Variants in C12orf54 observed in about 807,000 individuals in gnomAD.
C12orf54 encodes the protein chromosome 12 open reading frame 54.
In C12orf54, 24 loss-of-function variants were observed where a neutral mutation model predicts 26.4. The observed-to-expected ratio is 0.91, with a 90% CI of 0.66 to 1.28. C12orf54 has a LOEUF of 1.28. Among genes scored for constraint, C12orf54 ranks in the 50% most tolerant of loss-of-function variants. The pLI, the probability that C12orf54 is intolerant of heterozygous loss-of-function variation, is 0.00. For missense variants in C12orf54, 154 were observed against 150.9 expected, an observed-to-expected ratio of 1.02 and a Z score of -0.11; for synonymous variants, 54 against 47.0, an observed-to-expected ratio of 1.15 and a Z score of -0.61.
At chr12:48,488,189 C>T (rs1293368305) in intron 4 of C12orf54, 3 of 716,508 alleles carry the variant, frequency 4.2e-6, no homozygotes, top group Non-Finnish European at 5.2e-6. Context: ...TCCATGATTA[C>T]CTTCATTGGC....
At chr12:48,464,920 A>G in the C12orf54 span, among the ~76,000 whole-genome samples, 1 of 152,184 alleles carries the variant, frequency 6.6e-6, no homozygotes, top group Non-Finnish European at 1.5e-5. Flanking sequence ...TTACCTCAAG[A>G]TTTATTAAAG....
intron 8 of C12orf54, among the ~76,000 whole-genome samples, chr12:48,495,790 C>T (rs898314792): frequency 6.6e-6 from 1 of 152,156 alleles, no homozygotes; most frequent in Non-Finnish European, 1.5e-5. Flanking sequence ...TATCCTGTTT[C>T]CCCCACAAAT....
At chr12:48,457,981 G>T in the C12orf54 span, among the ~76,000 whole-genome samples, 52 of 152,318 alleles carry the variant, frequency 3.4e-4, no homozygotes, top group East Asian at 9.5e-3. Flanking sequence ...TAGTTGACAG[G>T]AGTTTGAGGA....
the C12orf54 span, among the ~76,000 whole-genome samples, chr12:48,434,295 T>A: frequency 6.6e-6 from 1 of 152,144 alleles, no homozygotes; most frequent in East Asian, 1.9e-4. Context: ...CCACCACAGA[T>A]CAAGGAGGAC....
chr12:48,432,593 G>T, the C12orf54 span, among the ~76,000 whole-genome samples: 18 of 152,216 alleles, frequency 1.2e-4, no homozygotes, highest in Non-Finnish European at 2.4e-4. Context: ...CATACAGCCA[G>T]GCACACTGGC....
intron 4 of C12orf54, among the ~76,000 whole-genome samples, chr12:48,487,559 C>T (rs1008248726): frequency 1.3e-5 from 2 of 152,136 alleles, no homozygotes; most frequent in Non-Finnish European, 2.9e-5. Context: ...ATTATATTAG[C>T]TAAAGAGTAA....
chr12:48,433,715 G>A, the C12orf54 span, among the ~76,000 whole-genome samples: 2 of 152,176 alleles, frequency 1.3e-5, no homozygotes, highest in African/African-American at 2.4e-5. Flanking sequence ...CCAAAGTACT[G>A]GAATTACAGG....
chr12:48,451,467 A>G, the C12orf54 span, among the ~76,000 whole-genome samples: 1 of 152,188 alleles, frequency 6.6e-6, no homozygotes, highest in African/African-American at 2.4e-5. Flanking sequence ...CTCCTATTCA[A>G]TATAGTATTA....
chr12:48,493,589 C>T (rs1367701195), intron 7 of C12orf54, among the ~76,000 whole-genome samples: 1 of 142,804 alleles, frequency 7.0e-6, no homozygotes, highest in African/African-American at 2.7e-5. Context: ...CCACTTCCCT[C>T]CATCCTGGGC....
the C12orf54 span, among the ~76,000 whole-genome samples, chr12:48,445,165 T>TC: frequency 1.3e-5 from 2 of 151,752 alleles, no homozygotes; most frequent in Non-Finnish European, 2.9e-5. Flanking sequence ...AGAGCGAGAC[T>TC]CCGTCTCTTA....
the C12orf54 span, among the ~76,000 whole-genome samples, chr12:48,429,281 C>A: frequency 0.13 from 19,420 of 151,994 alleles, 2,554 homozygotes; most frequent in East Asian, 0.66. Context: ...CCACTCTCAC[C>A]ACTCCTCTTC....
At chr12:48,468,126 G>A in the C12orf54 span, among the ~76,000 whole-genome samples, 1 of 152,156 alleles carries the variant, frequency 6.6e-6, no homozygotes. Context: ...TCCATGAGAT[G>A]AATCAGACAA....
intron 6 of C12orf54, 109 bp downstream of exon 6, chr12:48,490,945 G>T: frequency 7.5e-7 from 1 of 1,330,670 alleles, no homozygotes; most frequent in Non-Finnish European, 1.1e-6. Context: ...GATAAGAAGT[G>T]AGATATGGAG....
chr12:48,465,522 A>C, the C12orf54 span, among the ~76,000 whole-genome samples: 1 of 152,262 alleles, frequency 6.6e-6, no homozygotes, highest in African/African-American at 2.4e-5. Context: ...TCAAAGACCT[A>C]AAAACAGAAA....
chr12:48,491,809 T>A (rs945736405), intron 6 of C12orf54, among the ~76,000 whole-genome samples: 15 of 152,166 alleles, frequency 9.9e-5, no homozygotes, highest in African/African-American at 3.6e-4. Context: ...ACTTACAAAT[T>A]GGGGCTTTTC....
chr12:48,476,630 A>C, the C12orf54 span, among the ~76,000 whole-genome samples: 1 of 152,180 alleles, frequency 6.6e-6, no homozygotes, highest in African/African-American at 2.4e-5. Flanking sequence ...AAACCAACAA[A>C]AATCAAAAGA....
At chr12:48,413,420 G>T in the C12orf54 span, among the ~76,000 whole-genome samples, 6 of 152,180 alleles carry the variant, frequency 3.9e-5, no homozygotes, top group Non-Finnish European at 8.8e-5. Flanking sequence ...CTGTGTTCTA[G>T]GAAACTTGTC....
At chr12:48,465,750 A>G in the C12orf54 span, among the ~76,000 whole-genome samples, 1 of 152,188 alleles carries the variant, frequency 6.6e-6, no homozygotes, top group Non-Finnish European at 1.5e-5. Context: ...GAACTAGATC[A>G]TGTCCTTTGC....
chr12:48,487,945 G>C (rs1937689943), intron 4 of C12orf54: 2 of 682,572 alleles, frequency 2.9e-6, no homozygotes, highest in Non-Finnish European at 5.3e-6. Flanking sequence ...TAGCCGCTGA[G>C]ATGTTGATAC....
Sources: gnomAD v4.1 joint callset for allele counts (sites outside exome capture counted in the v4.1 genomes callset) on GRCh38, gnomAD v4.1.1 for gene constraint, MANE v1.5 for transcripts, NCBI Gene and HGNC (gene_info 2026-07-23, HGNC 2026-07-21) for gene names.